Variants in CACNA1H observed in about 807,000 individuals in gnomAD.
The protein encoded by CACNA1H is calcium voltage-gated channel subunit alpha1 H.
Under a neutral mutation model 192.5 loss-of-function variants are expected in CACNA1H, and 149 were observed. The observed-to-expected ratio is 0.77, with a 90% CI of 0.68 to 0.89. CACNA1H has a LOEUF of 0.89. Among genes scored for constraint, CACNA1H ranks in the 40% least tolerant of loss-of-function variants. The pLI, the probability that CACNA1H is intolerant of heterozygous loss-of-function variation, is 0.00. For synonymous variants in CACNA1H, 2,202 were observed against 1,475.2 expected (o/e 1.49, Z -11.29); for missense variants, 4,257 against 3,423.5 (o/e 1.24, Z -6.08).
chr16:1,211,866 C>T, intron 24 of CACNA1H, 61 bp downstream of exon 24: 1 of 1,609,900 alleles, frequency 6.2e-7, no homozygotes, highest in Non-Finnish European at 8.5e-7. Context: ...CTGCCTTGGC[C>T]TCTGGGGACT....
rs753514547 is a variant in CACNA1H at position 1,215,007 on chromosome 16, C to A, written c.4965C>A (p.Val1655=). The A allele has an allele frequency of 1.1e-5, 18 of 1,612,418 alleles. No individual in the cohort carries two copies. The highest frequency in any genetic ancestry group is 1.4e-5 in the Non-Finnish European group (17 of 1,179,370). ...AGGCCCTCAAGTACTGCAACTACGT[C>A]TTCACCATCGTGTTTGTCTTCGAGG... is the stretch of plus-strand genomic sequence containing the variant. ...LDEALKYCNY[V]FTIVFVFEAA... The change falls in exon 28 of 35, where the codon GTC becomes GTA. Residue 1655 remains valine, a synonymous_variant. Transcript: ENST00000348261.
intron 2 of CACNA1H, among the ~76,000 whole-genome samples, chr16:1,183,404 T>C (rs1026541606): frequency 1.3e-5 from 2 of 152,196 alleles, no homozygotes; most frequent in East Asian, 3.9e-4. Context: ...GAATCCCTCC[T>C]GGCCCCTCCC....
chr16:1,208,121 C>G lies in CACNA1H; in HGVS notation c.3263C>G (p.Pro1088Arg), dbSNP rs373190026. The G allele has an allele frequency of 1.3e-6, 2 of 1,594,088 alleles. No individual in the cohort carries two copies. Among genetic ancestry groups the G allele is most frequent in the Non-Finnish European group, 1.7e-6 (2 of 1,171,756 alleles). The change falls in exon 16 of 35, where the codon CCC becomes CGC. Residue 1088 changes from proline (P) to arginine (R), a missense_variant. Pro to Arg is a moderately radical substitution (Grantham distance 103, BLOSUM62 -2). Transcript: ENST00000348261. ...ACAGCTGCCACGCCCATGCCTACCC[C>G]CAAGAGCTCACCATTCCTGGATGCA... is the stretch of plus-strand genomic sequence containing the variant. Reference protein sequence around the residue: ...MCTAATPMPTPKSSPFLDAAP... With the variant: ...MCTAATPMPTRKSSPFLDAAP...
At chr16:1,181,370 G>T (rs553469147) in intron 2 of CACNA1H, among the ~76,000 whole-genome samples, 1 of 152,268 alleles carries the variant, frequency 6.6e-6, no homozygotes. Flanking sequence ...CCGAGCCCCC[G>T]GCAACGGTGG....
chr16:1,188,935 C>T (rs957085420), intron 2 of CACNA1H, among the ~76,000 whole-genome samples: 2 of 152,234 alleles, frequency 1.3e-5, no homozygotes, highest in Non-Finnish European at 2.9e-5. Context: ...CCTCCTGGCC[C>T]GCCAGGGGCT....
chr16:1,179,745 T>C (rs1965279246), intron 2 of CACNA1H, among the ~76,000 whole-genome samples: 1 of 146,042 alleles, frequency 6.8e-6, no homozygotes, highest in African/African-American at 2.6e-5. Context: ...TTTTTTTTTT[T>C]TTTTTTTGAG....
chr16:1,199,044 C>A (rs1414094627), intron 6 of CACNA1H: 2 of 400,988 alleles, frequency 5.0e-6, no homozygotes, highest in Admixed American at 4.0e-5. Flanking sequence ...ACCATGGCTC[C>A]GCCCACCGCG....
At chr16:1,214,172 G>A (rs959217607) in intron 27 of CACNA1H, among the ~76,000 whole-genome samples, 6 of 152,136 alleles carry the variant, frequency 3.9e-5, no homozygotes, top group African/African-American at 1.4e-4. Flanking sequence ...CTGGCGGGAG[G>A]TGAGTGTCCC....
At chr16:1,190,689 T>C (rs930052852) in intron 2 of CACNA1H, among the ~76,000 whole-genome samples, 1 of 152,270 alleles carries the variant, frequency 6.6e-6, no homozygotes, top group Non-Finnish European at 1.5e-5. Context: ...CCTCCAGAGC[T>C]GCCCCACAGG....
chr16:1,206,194 G>T lies in CACNA1H; in HGVS notation c.2694G>T (p.Leu898=). 1 of 1,593,170 alleles carries T rather than the reference G, an allele frequency of 6.3e-7. No homozygotes were observed. The highest frequency in any genetic ancestry group is 8.5e-7 in the Non-Finnish European group (1 of 1,170,896). The change falls in exon 12 of 35, where the codon CTG becomes CTT. Residue 898 remains leucine (L), a synonymous_variant. Coordinates refer to ENST00000348261, the MANE Select transcript of CACNA1H (RefSeq NM_021098.3). ...GTGTGCTGAAGCTGGTGCGCTTTCT[G>T]CCAGCCCTGCGGCGCCAGCTCGTGG... ...LLRVLKLVRF[L]PALRRQLVVL... is the part of the protein sequence containing the mutation.
At chr16:1,216,873 G>A in intron 30 of CACNA1H, 59 bp from the exon 31 acceptor site, 1 of 1,387,244 alleles carries the variant, frequency 7.2e-7, no homozygotes, top group Non-Finnish European at 1.0e-6. Context: ...TGCCCTGCAG[G>A]GTGGGCTGAG....
At chr16:1,185,450 G>T (rs887776312) in intron 2 of CACNA1H, among the ~76,000 whole-genome samples, 45 of 151,302 alleles carry the variant, frequency 3.0e-4, no homozygotes, top group Non-Finnish European at 7.4e-5. Flanking sequence ...GGTGTCTGTG[G>T]GTCCTGCCAG....
chr16:1,211,905 G>C (rs989805159), intron 24 of CACNA1H, 41 bp from the exon 25 acceptor site: 1 of 1,610,950 alleles, frequency 6.2e-7, no homozygotes, highest in South Asian at 1.1e-5. Flanking sequence ...AGGGCCCCTG[G>C]CGGGGCAGGC....
chr16:1,155,262 C>T (rs545914085), intron 2 of CACNA1H, among the ~76,000 whole-genome samples: 51 of 152,346 alleles, frequency 3.3e-4, no homozygotes, highest in African/African-American at 1.2e-3. Context: ...AGAGGGCTGC[C>T]TCGGAGCCCC....
intron 2 of CACNA1H, chr16:1,157,256 G>T (rs1002163556): frequency 1.3e-5 from 2 of 152,156 alleles, no homozygotes; most frequent in African/African-American, 4.8e-5. Flanking sequence ...GGTGCTTGGG[G>T]GCTGGGGGTT....
intron 34 of CACNA1H, among the ~76,000 whole-genome samples, 175 bp from the exon 35 acceptor site, chr16:1,219,806 G>A (rs1029801982): frequency 2.6e-5 from 4 of 152,136 alleles, no homozygotes; most frequent in Admixed American, 6.5e-5. Flanking sequence ...TCAGGAGTGA[G>A]ACTAGGACGT....
Position 1,211,176 on chromosome 16 carries a change from G to T in CACNA1H, c.4232G>T (p.Ser1411Ile). 2 of 1,612,802 alleles carry T rather than the reference G, an allele frequency of 1.2e-6. No homozygotes were observed. The highest frequency in any genetic ancestry group is 1.7e-6 in the Non-Finnish European group (2 of 1,179,764). Residue 1411 changes from serine to isoleucine, a missense_variant, in exon 22 of 35, where the codon AGC becomes ATC. Coordinates refer to ENST00000348261, the MANE Select transcript of CACNA1H (RefSeq NM_021098.3). ...CCTTCACTCCCCTCCAGGGTCATCA[G>T]CCGGGCCCCGGGCCTCAAGCTGGTG... ...LRTLRPLRVI[S>I]RAPGLKLVVE...
At position 1,184,298 on chromosome 16, in the gene CACNA1H, C is replaced by T. The variant is rs535692331; in HGVS notation, c.300-10674C>T. Among the ~76,000 whole-genome samples the T allele has an allele frequency of 7.9e-5, 12 of 152,378 alleles. No homozygotes were observed. In the East Asian group the frequency reaches 1.9e-3, roughly 24 times the overall value. On this transcript the variant is annotated intron_variant, in intron 2 of 34. Transcript: ENST00000348261. The stretch of plus-strand genomic sequence containing the variant: ...GAGTCCTTGAAAGCTTTGGGCCTTA[C>T]TGCCCGAGGCAGAGGCCAGAGGCCG...
chr16:1,172,640 A>G (rs1305273089), intron 2 of CACNA1H, among the ~76,000 whole-genome samples: 1 of 152,226 alleles, frequency 6.6e-6, no homozygotes. Context: ...TTATTATTAA[A>G]GCAGCCGCTT....
Sources: allele counts gnomAD v4.1 joint callset (sites outside exome capture counted in the v4.1 genomes callset), GRCh38; gene constraint gnomAD v4.1.1; transcripts MANE v1.5; gene names NCBI Gene and HGNC (gene_info 2026-07-23, HGNC 2026-07-21).